Variants in H2BC21 observed in about 807,000 individuals in gnomAD.
H2BC21 encodes the protein H2B clustered histone 21, also known as histone H2B type 2-E.
Under a neutral mutation model 6.2 loss-of-function variants are expected in H2BC21, and 2 were observed. That is an observed-to-expected ratio of 0.32 (90% CI 0.13 to 1.02). H2BC21 has a LOEUF of 1.02. Ranked by LOEUF, H2BC21 falls within the 50% of genes least tolerant of loss-of-function variation. H2BC21 has a pLI of 0.47. For synonymous variants in H2BC21, 109 were observed against 75.2 expected (o/e 1.45, Z -2.33); for missense variants, 98 against 172.2 (o/e 0.57, Z 2.41).
rs145162174 is a variant in H2BC21 at position 149,886,002 on chromosome 1, GCA to G, written c.*256_*257del. The G allele has an allele frequency of 0.018, 10,950 of 614,188 alleles. 147 individuals are homozygous for G. The highest frequency in any genetic ancestry group is 0.022 in the Non-Finnish European group (8,159 of 366,002). The allele number at this position is 614,188 out of a possible 1,614,324, so 38.0% of individuals were successfully genotyped here. On this transcript the variant is annotated 3_prime_UTR_variant, in exon 1 of 1. Transcript: ENST00000369155. ...AACCGACTCCTGGGAAGGCTAAGCA[GCA>G]CAATGAGTAAAGACACGCTCTAGAT...
chr1:149,886,066 G>T lies in H2BC21; in HGVS notation c.*194C>A. 1 of 946,730 alleles carries T rather than the reference G, an allele frequency of 1.1e-6. No individual in the cohort carries two copies. Among genetic ancestry groups the T allele is most frequent in the East Asian group, 2.6e-5 (1 of 37,830 alleles). The allele number at this position is 946,730 out of a possible 1,614,324, so 58.6% of individuals were successfully genotyped here. On this transcript the variant is annotated 3_prime_UTR_variant, in exon 1 of 1. Transcript: ENST00000369155. ...TCCAATGACGCACTGGGGACCTCGAGTTCCAAATAGTTAAAAAGCTACGTA... is the reference window on the plus strand; with the variant it reads ...TCCAATGACGCACTGGGGACCTCGATTTCCAAATAGTTAAAAAGCTACGTA...
Position 149,886,618 on chromosome 1 carries a change from G to A in H2BC21, c.23C>T (p.Ala8Val), listed in dbSNP as rs782750337. MPEPAKS[A>V]PAPKKGSKKA... Reference sequence around the variant, plus strand: ...CTTGGAGCCCTTTTTAGGGGCCGGAGCGGATTTTGCCGGTTCAGGCATGGT... The same window carrying A: ...CTTGGAGCCCTTTTTAGGGGCCGGAACGGATTTTGCCGGTTCAGGCATGGT... Residue 8 changes from alanine to valine, a missense_variant, in exon 1 of 1, where the codon GCT becomes GTT. Ala to Val is a moderately conservative substitution (Grantham distance 64). Around this residue, in one of 2 missense-constraint regions of H2BC21, gnomAD observed 50 missense variants for 34.4 expected, o/e 1.45. Transcript: ENST00000369155. 2.5e-5 allele frequency: 41 copies of A among 1,613,872 alleles called. 1 individual carries two copies. Among genetic ancestry groups the A allele is most frequent in the Admixed American group, 6.7e-5 (4 of 59,942 alleles).
At position 149,885,836 on chromosome 1, in the gene H2BC21, TTG is replaced by T; in HGVS notation, c.*422_*423del. 3.6e-6 allele frequency: 1 copy of T among 278,268 alleles called. No homozygotes were observed. The highest frequency in any genetic ancestry group is 7.0e-6 in the Non-Finnish European group (1 of 142,788). The allele number at this position is 278,268 out of a possible 1,614,324, so 17.2% of individuals were successfully genotyped here. On this transcript the variant is annotated 3_prime_UTR_variant, in exon 1 of 1. Coordinates refer to ENST00000369155, the MANE Select transcript of H2BC21 (RefSeq NM_003528.3). ...CAGTGTTTGCGGAACCCGGGCTGAA[TTG>T]TGTCCTGGAGTTCTCTTAAATGACA...
Position 149,886,557 on chromosome 1 carries a change from C to G in H2BC21, c.84G>C (p.Lys28Asn). ...TCTCTTTGCGGCTGCGCTTGCGCTT[C>G]TTGCCGTCTTTCTTCTGGGCTTTGG... ...AVTKAQKKDG[K>N]KRKRSRKESY... Residue 28 changes from lysine to asparagine, a missense_variant, in exon 1 of 1, where the codon AAG becomes AAC. Transcript: ENST00000369155. 1.2e-6 allele frequency: 2 copies of G among 1,614,270 alleles called. No homozygotes were observed. The highest frequency in any genetic ancestry group is 1.7e-6 in the Non-Finnish European group (2 of 1,180,052).
At position 149,886,679 on chromosome 1, in the gene H2BC21, A is replaced by T. The variant is rs1553759797; in HGVS notation, c.-39T>A. Reference sequence around the variant, plus strand: ...ACAAACGCGGCTTAGCCAAGAAAAGAAGTAAGAGAATGGGCGGGCCTGATT... The same window carrying T: ...ACAAACGCGGCTTAGCCAAGAAAAGTAGTAAGAGAATGGGCGGGCCTGATT... On this transcript the variant is annotated 5_prime_UTR_variant, in exon 1 of 1. Transcript: ENST00000369155. 6.3e-7 allele frequency: 1 copy of T among 1,585,696 alleles called. No individual in the cohort carries two copies. Among genetic ancestry groups the T allele is most frequent in the East Asian group, 2.2e-5 (1 of 44,696 alleles).
In H2BC21 at chr1:149,886,131, T is replaced by C. The variant is rs111368656; in HGVS notation, c.*129A>G. On this transcript the variant is annotated 3_prime_UTR_variant, in exon 1 of 1. Coordinates refer to ENST00000369155, the MANE Select transcript of H2BC21 (RefSeq NM_003528.3). Reference sequence around the variant, plus strand: ...ACCTTCACACTAAAATAACTTACTTTATGAAAAGAAACTAAGGGAATAAGT... The same window carrying C: ...ACCTTCACACTAAAATAACTTACTTCATGAAAAGAAACTAAGGGAATAAGT... 2.2e-5 allele frequency: 33 copies of C among 1,468,462 alleles called. No individual in the cohort carries two copies. Among genetic ancestry groups the C allele is most frequent in the Middle Eastern group, 2.3e-4 (1 of 4,274 alleles). 91.0% of individuals were successfully genotyped at this position (1,468,462 alleles called of 1,614,324 possible). A position where few individuals can be genotyped will look rare whatever the true frequency, so the allele number is the denominator to read the frequency against.
rs2092292215 is a variant in H2BC21 at position 149,885,566 on chromosome 1, A to C, written c.*694T>G. 1 of 153,882 alleles carries C rather than the reference A, an allele frequency of 6.5e-6. No individual in the cohort carries two copies. The highest frequency in any genetic ancestry group is 2.4e-5 in the African/African-American group (1 of 41,456). 9.5% of individuals were successfully genotyped at this position (153,882 alleles called of 1,614,324 possible). A position where few individuals can be genotyped will look rare whatever the true frequency, so the allele number is the denominator to read the frequency against. ...CCATTAAATGCAGAAATTATCAACA[A>C]AATGAGAAATAGGAATTTCAAAGTC... On this transcript the variant is annotated 3_prime_UTR_variant, in exon 1 of 1. Transcript: ENST00000369155.
chr1:149,886,527 G>A lies in H2BC21; in HGVS notation c.114C>T (p.Tyr38=), dbSNP rs1029622454. 4 of 1,614,164 alleles carry A rather than the reference G, an allele frequency of 2.5e-6. No homozygotes were observed. Among genetic ancestry groups the A allele is most frequent in the African/African-American group, 2.7e-5 (2 of 74,954 alleles). Residue 38 remains tyrosine, a synonymous_variant, in exon 1 of 1, where the codon TAC becomes TAT. Coordinates refer to ENST00000369155, the MANE Select transcript of H2BC21 (RefSeq NM_003528.3). ...KKRKRSRKES[Y]SIYVYKVLKQ... ...TCAGCACCTTGTACACGTAGATGGA[G>A]TAGCTCTCTTTGCGGCTGCGCTTGC...
rs2092289972 is a variant in H2BC21 at position 149,885,227 on chromosome 1, G to A, written c.*1033C>T. The A allele has an allele frequency of 6.6e-6, 1 of 152,526 alleles. No homozygotes were observed. Among genetic ancestry groups the A allele is most frequent in the Admixed American group, 6.5e-5 (1 of 15,272 alleles). 9.4% of individuals were successfully genotyped at this position (152,526 alleles called of 1,614,324 possible). A position where few individuals can be genotyped will look rare whatever the true frequency, so the allele number is the denominator to read the frequency against. On this transcript the variant is annotated 3_prime_UTR_variant, in exon 1 of 1. Transcript: ENST00000369155. ...CACGGAAGCGATTAAGAAAAGGGTG[G>A]GATGGAAAAATTAACCCAACAATAT...
rs2092292668 is a variant in H2BC21, at chr1:149,885,614, A to C, written c.*646T>G. 1 of 154,440 alleles carries C rather than the reference A, an allele frequency of 6.5e-6. No individual in the cohort carries two copies. Among genetic ancestry groups the C allele is most frequent in the African/African-American group, 2.4e-5 (1 of 41,468 alleles). The allele number at this position is 154,440 out of a possible 1,614,324, so 9.6% of individuals were successfully genotyped here. A position where few individuals can be genotyped will look rare whatever the true frequency, so the allele number is the denominator to read the frequency against. Reference sequence around the variant, plus strand: ...GTCTCAAAGTGAACGACGGAAACTGAAATCTACAAATTAGAAAAAGGCGCA... The same window carrying C: ...GTCTCAAAGTGAACGACGGAAACTGCAATCTACAAATTAGAAAAAGGCGCA... On this transcript the variant is annotated 3_prime_UTR_variant, in exon 1 of 1. Coordinates refer to ENST00000369155, the MANE Select transcript of H2BC21 (RefSeq NM_003528.3).
rs2092286898 is a variant in H2BC21, at chr1:149,884,727, T to A, written c.*1533A>T. On this transcript the variant is annotated 3_prime_UTR_variant, in exon 1 of 1. Coordinates refer to ENST00000369155, the MANE Select transcript of H2BC21 (RefSeq NM_003528.3). ...CCACAAAATAAAACTAAAATGCAAT[T>A]GTCCTGCATCTGAGAATACAAGGGT... 1 of 152,220 alleles carries A rather than the reference T, an allele frequency of 6.6e-6. No homozygotes were observed. Among genetic ancestry groups the A allele is most frequent in the Non-Finnish European group, 1.5e-5 (1 of 68,042 alleles). The allele number at this position is 152,220 out of a possible 1,614,324, so 9.4% of individuals were successfully genotyped here. A position where few individuals can be genotyped will look rare whatever the true frequency, so the allele number is the denominator to read the frequency against.
At position 149,886,093 on chromosome 1, in the gene H2BC21, G is replaced by T; in HGVS notation, c.*167C>A. ...TCCAAATAGTTAAAAAGCTACGTATGCCATTTCCCATGACCTTCACACTAA... is the reference window on the plus strand; with the variant it reads ...TCCAAATAGTTAAAAAGCTACGTATTCCATTTCCCATGACCTTCACACTAA... On this transcript the variant is annotated 3_prime_UTR_variant, in exon 1 of 1. Transcript: ENST00000369155. 1 of 1,186,806 alleles carries T rather than the reference G, an allele frequency of 8.4e-7. No individual in the cohort carries two copies. Among genetic ancestry groups the T allele is most frequent in the Non-Finnish European group, 1.2e-6 (1 of 855,434 alleles). 73.5% of individuals were successfully genotyped at this position (1,186,806 alleles called of 1,614,324 possible).
chr1:149,886,056 G>C lies in H2BC21; in HGVS notation c.*204C>G, dbSNP rs187708644. On this transcript the variant is annotated 3_prime_UTR_variant, in exon 1 of 1. Coordinates refer to ENST00000369155, the MANE Select transcript of H2BC21 (RefSeq NM_003528.3). ...CAAAAGCAAATCCAATGACGCACTG[G>C]GGACCTCGAGTTCCAAATAGTTAAA... The C allele has an allele frequency of 3.4e-5, 28 of 822,188 alleles. No homozygotes were observed. The Admixed American group carries it at 8.2e-4, about 24-fold the overall frequency. 50.9% of individuals were successfully genotyped at this position (822,188 alleles called of 1,614,324 possible). A position where few individuals can be genotyped will look rare whatever the true frequency, so the allele number is the denominator to read the frequency against.
chr1:149,886,588 G>C lies in H2BC21; in HGVS notation c.53C>G (p.Ala18Gly), dbSNP rs201379362. 4.0e-5 allele frequency: 64 copies of C among 1,614,220 alleles called. No individual in the cohort carries two copies. Among genetic ancestry groups the C allele is most frequent in the Non-Finnish European group, 4.5e-5 (53 of 1,180,032 alleles). Residue 18 changes from alanine (A) to glycine (G), a missense_variant, in exon 1 of 1, where the codon GCC (alanine) becomes GGC (glycine). By Grantham distance (60) the Ala-to-Gly change is moderately conservative. This residue lies in a region of H2BC21 where 50 missense variants were observed against 34.4 expected (regional missense o/e 1.45). Transcript: ENST00000369155. The stretch of plus-strand genomic sequence containing the variant: ...GTCTTTCTTCTGGGCTTTGGTGACG[G>C]CTTTCTTGGAGCCCTTTTTAGGGGC... ...APAPKKGSKK[A>G]VTKAQKKDGK... is the part of the protein sequence containing the mutation.
chr1:149,886,346 C>T lies in H2BC21; in HGVS notation c.295G>A (p.Val99Met). The T allele has an allele frequency of 6.2e-7, 1 of 1,614,178 alleles. No individual in the cohort carries two copies. Among genetic ancestry groups the T allele is most frequent in the Non-Finnish European group, 8.5e-7 (1 of 1,180,032 alleles). Residue 99 changes from valine to methionine, a missense_variant, in exon 1 of 1, where the codon GTG becomes ATG. Physicochemically the swap from Val to Met is conservative, Grantham distance 21 (BLOSUM62 1). This residue lies in a region of H2BC21 where 48 missense variants were observed against 137.8 expected (regional missense o/e 0.35). Coordinates refer to ENST00000369155, the MANE Select transcript of H2BC21 (RefSeq NM_003528.3). Reference sequence around the variant, plus strand: ...AGCTCGCCGGGCAGCAGCAGGCGCACGGCCGTCTGGATCTCGCGGGATGTG... The same window carrying T: ...AGCTCGCCGGGCAGCAGCAGGCGCATGGCCGTCTGGATCTCGCGGGATGTG... ...TITSREIQTA[V>M]RLLLPGELAK...
At position 149,885,486 on chromosome 1, in the gene H2BC21, A is replaced by C. The variant is rs1237795289; in HGVS notation, c.*774T>G. ...AGGTGACTTTTGAGCCCGTATCTAC[A>C]TGGTAAGTGCCTCGCAGTGACCTGG... On this transcript the variant is annotated 3_prime_UTR_variant, in exon 1 of 1. Coordinates refer to ENST00000369155, the MANE Select transcript of H2BC21 (RefSeq NM_003528.3). 6.6e-6 allele frequency: 1 copy of C among 152,320 alleles called. No homozygotes were observed. The highest frequency in any genetic ancestry group is 1.5e-5 in the Non-Finnish European group (1 of 68,098). The allele number at this position is 152,320 out of a possible 1,614,324, so 9.4% of individuals were successfully genotyped here. A position where few individuals can be genotyped will look rare whatever the true frequency, so the allele number is the denominator to read the frequency against.
Position 149,886,433 on chromosome 1 carries a change from TGTC to T in H2BC21, c.205_207del (p.Asp69del), listed in dbSNP as rs782444217. 1.2e-6 allele frequency: 2 copies of T among 1,614,254 alleles called. No individual in the cohort carries two copies. The highest frequency in any genetic ancestry group is 1.1e-5 in the South Asian group (1 of 91,092). On this transcript the variant is annotated inframe_deletion, in exon 1 of 1. Transcript: ENST00000369155. ...GCCTCTCCCGCGATGCGCTCGAAGA[TGTC>T]GTTGACGAAGGAGTTCATGATGCCC... is the stretch of plus-strand genomic sequence containing the variant.
chr1:149,884,792 C>T lies in H2BC21; in HGVS notation c.*1468G>A, dbSNP rs2101577161. 6.6e-6 allele frequency: 1 copy of T among 152,346 alleles called. No homozygotes were observed. The highest frequency in any genetic ancestry group is 1.5e-5 in the Non-Finnish European group (1 of 68,038). 9.4% of individuals were successfully genotyped at this position (152,346 alleles called of 1,614,324 possible). A position where few individuals can be genotyped will look rare whatever the true frequency, so the allele number is the denominator to read the frequency against. On this transcript the variant is annotated 3_prime_UTR_variant, in exon 1 of 1. Coordinates refer to ENST00000369155, the MANE Select transcript of H2BC21 (RefSeq NM_003528.3). ...GCATGACTGTGAACCAATGAGGCTTCTCTTGGCCTCATTTGTAAAAAGGAG... is the reference window on the plus strand; with the variant it reads ...GCATGACTGTGAACCAATGAGGCTTTTCTTGGCCTCATTTGTAAAAAGGAG...
Position 149,885,117 on chromosome 1 carries a change from T to C in H2BC21, c.*1143A>G, listed in dbSNP as rs1222322551. 1 of 152,650 alleles carries C rather than the reference T, an allele frequency of 6.6e-6. No homozygotes were observed. Among genetic ancestry groups the C allele is most frequent in the Non-Finnish European group, 1.5e-5 (1 of 68,048 alleles). 9.5% of individuals were successfully genotyped at this position (152,650 alleles called of 1,614,324 possible). A position where few individuals can be genotyped will look rare whatever the true frequency, so the allele number is the denominator to read the frequency against. ...GCACTGAGGTGACTAAGGATACATT[T>C]TGAGGAAGTAGCTCCAAGAACATTT... On this transcript the variant is annotated 3_prime_UTR_variant, in exon 1 of 1. Transcript: ENST00000369155.
Sources: gnomAD v4.1 joint callset for allele counts on GRCh38, gnomAD v4.1.1 for gene constraint, gnomAD v4.1.1 regional missense constraint, MANE v1.5 for transcripts, NCBI Gene and HGNC (gene_info 2026-07-23, HGNC 2026-07-21) for gene names.